MLLT3: variants seen among roughly 807,000 people sequenced by gnomAD.
MLLT3 encodes protein AF-9.
MLLT3 carries 4 observed loss-of-function variants against 53.2 expected under a neutral mutation model. The observed-to-expected ratio is 0.08, with a 90% confidence interval of 0.04 to 0.17. MLLT3 has a LOEUF of 0.17. Among genes scored for constraint, MLLT3 ranks in the 10% least tolerant of loss-of-function variants. The pLI, the probability that MLLT3 is intolerant of heterozygous loss-of-function variation, is 1.00. For missense variants in MLLT3, 569 were observed against 684.0 expected (o/e 0.83, Z 1.87); for synonymous variants, 283 against 230.6 (o/e 1.23, Z -2.06).
At chr9:20,470,221 G>T (rs796449248) in intron 2 of MLLT3, among the ~76,000 whole-genome samples, 22 of 151,998 alleles carry the variant, frequency 1.4e-4, no homozygotes, top group African/African-American at 4.3e-4. Flanking sequence ...TTGGCTCTAG[G>T]AAAATGTGGA....
chr9:20,509,558 T>C (rs141696657), intron 2 of MLLT3, among the ~76,000 whole-genome samples: 75 of 152,342 alleles, frequency 4.9e-4, no homozygotes, highest in Middle Eastern at 6.8e-3. Context: ...CATTAATATC[T>C]ACAACACTTG....
chr9:20,617,085 C>G (rs926953232), intron 2 of MLLT3, among the ~76,000 whole-genome samples: 5 of 152,148 alleles, frequency 3.3e-5, no homozygotes, highest in Non-Finnish European at 1.5e-5. Flanking sequence ...TCTCACTGGT[C>G]ATCTAAATTT....
chr9:20,359,849 C>T (rs767522788), intron 8 of MLLT3, among the ~76,000 whole-genome samples: 45 of 151,958 alleles, frequency 3.0e-4, no homozygotes, highest in African/African-American at 4.6e-4. Context: ...GGAAATCTGT[C>T]GACACAAAAA....
rs1019170343 is a variant in MLLT3 at position 20,448,856 on chromosome 9, G to A, written c.277-590C>T. Among the ~76,000 whole-genome samples the A allele has an allele frequency of 6.6e-6, 1 of 152,018 alleles. No homozygotes were observed. Among genetic ancestry groups the A allele is most frequent in the Non-Finnish European group, 1.5e-5 (1 of 68,000 alleles). ...TAATCTCACTTGAATGTCACATAAG[G>A]GCCTTCATAATCTGGCTCTTGGCTT... On this transcript the variant is annotated intron_variant, in intron 3 of 10. Transcript: ENST00000380338. This position sits in a 1 kb window ranked among gnomAD's most constrained non-coding sequence, Gnocchi z 4.0.
chr9:20,510,394 C>T (rs1395755363), intron 2 of MLLT3, among the ~76,000 whole-genome samples: 1 of 152,032 alleles, frequency 6.6e-6, no homozygotes, highest in Non-Finnish European at 1.5e-5. Context: ...GGGCAGATCA[C>T]GAGGTCAGGA....
At chr9:20,607,907 T>C (rs545820284) in intron 2 of MLLT3, among the ~76,000 whole-genome samples, 7 of 152,162 alleles carry the variant, frequency 4.6e-5, no homozygotes, top group Admixed American at 2.0e-4. Flanking sequence ...CTGCATTGTA[T>C]ATAAAACATA....
At chr9:20,427,512 G>A (rs1222336273) in intron 4 of MLLT3, among the ~76,000 whole-genome samples, 1 of 151,758 alleles carries the variant, frequency 6.6e-6, no homozygotes. Context: ...TAGAGACCCA[G>A]AAAGAATAAA....
intron 2 of MLLT3, among the ~76,000 whole-genome samples, chr9:20,466,731 TA>T (rs1824247762): frequency 6.6e-6 from 1 of 152,186 alleles, no homozygotes; most frequent in African/African-American, 2.4e-5. Context: ...CAGGAATTAC[TA>T]AGTAGGGGGA....
intron 2 of MLLT3, among the ~76,000 whole-genome samples, chr9:20,542,505 C>T (rs1011402300): frequency 6.6e-6 from 1 of 152,264 alleles, no homozygotes; most frequent in South Asian, 2.1e-4. Flanking sequence ...CCGCCTCGGC[C>T]TCCCAAAGTG....
intron 5 of MLLT3, among the ~76,000 whole-genome samples, chr9:20,367,053 C>T (rs1049455054): frequency 6.6e-6 from 1 of 152,246 alleles, no homozygotes; most frequent in African/African-American, 2.4e-5. Context: ...ATATTCATAA[C>T]AAGACCCAGA....
intron 2 of MLLT3, among the ~76,000 whole-genome samples, chr9:20,459,611 C>A (rs1248006338): frequency 1.3e-5 from 2 of 152,154 alleles, no homozygotes. Flanking sequence ...TATACCTGAT[C>A]CTCTATATAC....
At chr9:20,352,744 G>A (rs1821061722) in intron 10 of MLLT3, among the ~76,000 whole-genome samples, 1 of 149,776 alleles carries the variant, frequency 6.7e-6, no homozygotes, top group Non-Finnish European at 1.5e-5. Context: ...CACAGCTGGG[G>A]TAGATTAAGT....
At chr9:20,420,461 C>G (rs998754912) in intron 4 of MLLT3, among the ~76,000 whole-genome samples, 1 of 152,090 alleles carries the variant, frequency 6.6e-6, no homozygotes, top group African/African-American at 2.4e-5. Context: ...AGATTAATAT[C>G]AGATCATGTG....
chr9:20,552,817 C>T (rs1270357327), intron 2 of MLLT3, among the ~76,000 whole-genome samples: 1 of 151,884 alleles, frequency 6.6e-6, no homozygotes, highest in Non-Finnish European at 1.5e-5. Context: ...TATAAAAATC[C>T]CACGTAGAAT....
intron 3 of MLLT3, among the ~76,000 whole-genome samples, chr9:20,450,538 GT>G (rs1024372060): frequency 1.8e-4 from 27 of 152,216 alleles, no homozygotes; most frequent in African/African-American, 6.5e-4. Context: ...AGCATCTGCA[GT>G]TCCCCAATAC....
chr9:20,480,974 A>G (rs1248712359), intron 2 of MLLT3, among the ~76,000 whole-genome samples: 1 of 152,240 alleles, frequency 6.6e-6, no homozygotes, highest in Non-Finnish European at 1.5e-5. Context: ...TAATTTTAAA[A>G]GTAATGGCGA....
intron 2 of MLLT3, among the ~76,000 whole-genome samples, chr9:20,564,674 T>G (rs1432019966): frequency 6.6e-6 from 1 of 152,172 alleles, no homozygotes; most frequent in Admixed American, 6.6e-5. Flanking sequence ...GGGAGTAAAG[T>G]TCTTAAATCA....
chr9:20,407,174 G>A (rs1473344583), intron 5 of MLLT3, among the ~76,000 whole-genome samples: 2 of 152,194 alleles, frequency 1.3e-5, no homozygotes, highest in Non-Finnish European at 2.9e-5. Flanking sequence ...TCAGAAAGGA[G>A]TCTCCAAACT....
At chr9:20,461,166 G>C (rs952597956) in intron 2 of MLLT3, among the ~76,000 whole-genome samples, 1 of 152,190 alleles carries the variant, frequency 6.6e-6, no homozygotes, top group Non-Finnish European at 1.5e-5. Context: ...ATGCCTGAGA[G>C]AAACAGACCA....
Sources: allele counts gnomAD v4.1 joint callset (sites outside exome capture counted in the v4.1 genomes callset), GRCh38; gene constraint gnomAD v4.1.1; non-coding constraint Gnocchi (gnomAD v3.1); transcripts MANE v1.5; gene names NCBI Gene and HGNC (gene_info 2026-07-23, HGNC 2026-07-21).